The following PLEKHA6 variants were observed in gnomAD, a reference collection of about 807,000 sequenced individuals.
PLEKHA6 encodes pleckstrin homology domain-containing family A member 6.
A neutral mutation model predicts 116.7 loss-of-function variants in PLEKHA6; 60 were observed. The ratio of observed to expected loss-of-function variants is 0.51; its 90% CI spans 0.42 to 0.64. The LOEUF (loss-of-function observed/expected upper bound fraction) is 0.64. PLEKHA6 is among the 30% of genes least tolerant of loss of function. PLEKHA6 has a pLI of 0.00. For missense variants in PLEKHA6, 1,338 were observed against 1,422.7 expected, an observed-to-expected ratio of 0.94 and a Z score of 0.96; for synonymous variants, 489 against 556.1, an observed-to-expected ratio of 0.88 and a Z score of 1.70.
Position 204,266,401 on chromosome 1 carries a change from C to G in PLEKHA6, c.280+1074G>C, listed in dbSNP as rs935451168. 6.6e-5 allele frequency among the ~76,000 whole-genome samples: 10 copies of G among 152,296 alleles called. No homozygotes were observed. The East Asian group carries it at 1.5e-3, about 24-fold the overall frequency. Reference sequence around the variant, plus strand: ...TCTCAGCTCCTTGAGGTTCTACCCCCACTGCTTCCCAAAGACTCTCCTGTG... The same window carrying G: ...TCTCAGCTCCTTGAGGTTCTACCCCGACTGCTTCCCAAAGACTCTCCTGTG... On this transcript the variant is annotated intron_variant, in intron 5 of 22. Transcript: ENST00000272203.
rs915039487 is a variant in PLEKHA6, at chr1:204,228,481, G to A, written c.2885+247C>T. 4.6e-5 allele frequency among the ~76,000 whole-genome samples: 7 copies of A among 152,132 alleles called. No homozygotes were observed. The highest frequency in any genetic ancestry group is 6.5e-5 in the Admixed American group (1 of 15,288). On this transcript the variant is annotated intron_variant, in intron 20 of 22. Coordinates refer to ENST00000272203, the MANE Select transcript of PLEKHA6 (RefSeq NM_014935.5). The surrounding 1 kb of genome is among the most constrained non-coding windows in gnomAD (Gnocchi z 4.0). ...AGGGCAGCCTTGAAGGGGAAAAGAA[G>A]TCACCAGAGGGCGAGCCTTCAGTTT...
chr1:204,343,526 C>T (rs1478905807), intron 1 of PLEKHA6, among the ~76,000 whole-genome samples: 1 of 152,120 alleles, frequency 6.6e-6, no homozygotes. Context: ...GTATCTTCCC[C>T]ACTGGGTTAT....
At chr1:204,361,235 T>G (rs2103393340), upstream of PLEKHA6, among the ~76,000 whole-genome samples, 1 of 152,324 alleles carries the variant, frequency 6.6e-6, no homozygotes, top group South Asian at 2.1e-4. Context: ...GATCAAAAAA[T>G]TAAGCCTCTT....
Position 204,261,437 on chromosome 1 carries a change from G to A in PLEKHA6, c.393C>T (p.Ala131=), listed in dbSNP as rs34999478. 8,229 of 1,610,548 alleles carry A rather than the reference G, an allele frequency of 5.1e-3. 326 individuals are homozygous for A. The African/African-American group carries it at 0.091, about 18-fold the overall frequency. The change falls in exon 7 of 23, where the codon GCC becomes GCT. Residue 131 remains alanine (A), a synonymous_variant. Transcript: ENST00000272203. The surrounding 1 kb of genome is among the most constrained non-coding windows in gnomAD (Gnocchi z 4.0). ...SRKHTFKAEH[A]GVRTYFFSAE... The stretch of plus-strand genomic sequence containing the variant: ...CACTGAAGAAGTAGGTGCGGACCCC[G>A]GCATGCTCAGCCTGTGGGGAGAGGC...
At position 204,257,391 on chromosome 1, in the gene PLEKHA6, C is replaced by G. The variant is rs751604790; in HGVS notation, c.1486G>C (p.Ala496Pro). The G allele has an allele frequency of 6.4e-7, 1 of 1,563,458 alleles. No homozygotes were observed. Among genetic ancestry groups the G allele is most frequent in the Non-Finnish European group, 8.7e-7 (1 of 1,153,366 alleles). Residue 496 changes from alanine to proline, a missense_variant, in exon 9 of 23, where the codon GCT (alanine) becomes CCT (proline). By Grantham distance (27) the Ala-to-Pro change is conservative (BLOSUM62 -1). This residue lies in a region of PLEKHA6 where 1,136 missense variants were observed against 1,163.6 expected (regional missense o/e 0.98). Coordinates refer to ENST00000272203, the MANE Select transcript of PLEKHA6 (RefSeq NM_014935.5). This position sits in a 1 kb window ranked among gnomAD's most constrained non-coding sequence, Gnocchi z 6.5. Reference protein sequence around the residue: ...PRSEDIYADPAAYVMRRSISS... With the variant: ...PRSEDIYADPPAYVMRRSISS... ...ATGGATCGCCTCATCACATAGGCAGCAGGGTCAGCATAGATGTCCTCACTG... is the reference window on the plus strand; with the variant it reads ...ATGGATCGCCTCATCACATAGGCAGGAGGGTCAGCATAGATGTCCTCACTG...
At chr1:204,366,755 T>C (rs1673668873) in intron 3 of PLEKHA6, among the ~76,000 whole-genome samples, 1 of 152,134 alleles carries the variant, frequency 6.6e-6, no homozygotes, top group Non-Finnish European at 1.5e-5. Context: ...AGTGAGACCC[T>C]ATCTTAAAAA....
chr1:204,342,534 A>G, intron 1 of PLEKHA6, among the ~76,000 whole-genome samples: 1 of 152,210 alleles, frequency 6.6e-6, no homozygotes, highest in East Asian at 1.9e-4. Flanking sequence ...GTGCATATGA[A>G]TCACCTGGAG....
Position 204,218,891 on chromosome 1 carries a change from CA to C in PLEKHA6, c.*3896del, listed in dbSNP as rs1659356002. 6.6e-6 allele frequency: 1 copy of C among 152,522 alleles called. No homozygotes were observed. Among genetic ancestry groups the C allele is most frequent in the South Asian group, 2.1e-4 (1 of 4,820 alleles). 9.4% of individuals were successfully genotyped at this position (152,522 alleles called of 1,614,324 possible). On this transcript the variant is annotated 3_prime_UTR_variant, in exon 23 of 23. Transcript: ENST00000272203. ...TTTTATTTCCTGTATTGGGTTTATACAAACTTGCAAGATACAAATGCAGAAC... is the reference window on the plus strand; with the variant it reads ...TTTTATTTCCTGTATTGGGTTTATACAACTTGCAAGATACAAATGCAGAAC...
chr1:204,368,055 A>G (rs1255116441), intron 2 of PLEKHA6, among the ~76,000 whole-genome samples: 2 of 152,212 alleles, frequency 1.3e-5, no homozygotes, highest in East Asian at 3.8e-4. Flanking sequence ...CCAGCAAATA[A>G]TGAGAGATAT....
intron 1 of PLEKHA6, among the ~76,000 whole-genome samples, chr1:204,287,568 T>C (rs1365251683): frequency 1.3e-5 from 2 of 152,128 alleles, no homozygotes; most frequent in East Asian, 3.9e-4. Context: ...CCCGCAACTC[T>C]CTGCACCCAC....
chr1:204,345,147 T>C (rs988433591), intron 1 of PLEKHA6, among the ~76,000 whole-genome samples: 1 of 152,194 alleles, frequency 6.6e-6, no homozygotes, highest in African/African-American at 2.4e-5. Context: ...AAGGACACTT[T>C]TAAAAATATA....
intron 1 of PLEKHA6, 163 bp downstream of exon 1, chr1:204,359,531 C>G (rs901288496): frequency 1.2e-6 from 1 of 814,710 alleles, no homozygotes; most frequent in African/African-American, 1.8e-5. Context: ...TCTCAGCATC[C>G]ATGATCCCCA....
intron 1 of PLEKHA6, among the ~76,000 whole-genome samples, chr1:204,293,273 T>C (rs780621638): frequency 6.6e-5 from 10 of 152,200 alleles, no homozygotes; most frequent in Non-Finnish European, 1.5e-4. Flanking sequence ...TAGCTGGGAC[T>C]ACAGGCATGT....
chr1:204,234,968 AT>A (rs1661750420), intron 17 of PLEKHA6, among the ~76,000 whole-genome samples: 1 of 7,494 alleles, frequency 1.3e-4, no homozygotes, highest in Non-Finnish European at 2.1e-4. Context: ...ATATATATAT[AT>A]ATATATATAT....
intron 17 of PLEKHA6, among the ~76,000 whole-genome samples, chr1:204,237,255 T>G (rs1662192470): frequency 6.6e-6 from 1 of 152,172 alleles, no homozygotes; most frequent in African/African-American, 2.4e-5. Flanking sequence ...ATAGATATAC[T>G]TAGCAGCTGG....
At chr1:204,285,718 ACTC>A (rs1220586953) in intron 1 of PLEKHA6, among the ~76,000 whole-genome samples, 1 of 151,128 alleles carries the variant, frequency 6.6e-6, no homozygotes, top group African/African-American at 2.4e-5. Context: ...ATGCATTAAG[ACTC>A]CTCTGCACAG....
chr1:204,313,847 C>G, intron 1 of PLEKHA6: 2 of 244,420 alleles, frequency 8.2e-6, no homozygotes, highest in Non-Finnish European at 1.3e-5. Context: ...CGGGGATCCT[C>G]TTACAGGCAG....
chr1:204,267,245 C>G (rs912308566), intron 5 of PLEKHA6, among the ~76,000 whole-genome samples: 8 of 152,194 alleles, frequency 5.3e-5, no homozygotes, highest in African/African-American at 1.9e-4. Context: ...GGAACTCTGC[C>G]TGAAACCTAG....
Position 204,222,360 on chromosome 1 carries a change from T to A in PLEKHA6, c.*428A>T, listed in dbSNP as rs935476715. ...GCTGGCTCCAGAGGCAGTGTCCATC[T>A]CCTCTTCACCTCTAGTCCTCACATA... On this transcript the variant is annotated 3_prime_UTR_variant, in exon 23 of 23. Transcript: ENST00000272203. The A allele has an allele frequency of 4.6e-5, 7 of 152,802 alleles. No individual in the cohort carries two copies. Among genetic ancestry groups the A allele is most frequent in the African/African-American group, 1.7e-4 (7 of 41,440 alleles). 9.5% of individuals were successfully genotyped at this position (152,802 alleles called of 1,614,324 possible). A position where few individuals can be genotyped will look rare whatever the true frequency, so the allele number is the denominator to read the frequency against.
Sources: allele counts gnomAD v4.1 joint callset (sites outside exome capture counted in the v4.1 genomes callset), GRCh38; gene constraint gnomAD v4.1.1; regional missense constraint gnomAD v4.1.1; non-coding constraint Gnocchi (gnomAD v3.1); transcripts MANE v1.5; gene names NCBI Gene and HGNC (gene_info 2026-07-23, HGNC 2026-07-21).